MAPK10: variants seen among roughly 807,000 people sequenced by gnomAD.
The protein encoded by MAPK10 is JNK3 alpha protein kinase.
MAPK10 carries 25 observed loss-of-function variants against 59.3 expected under a neutral mutation model. The observed-to-expected ratio is 0.42, with a 90% CI of 0.31 to 0.59. MAPK10 has a LOEUF of 0.59. Among genes scored for constraint, MAPK10 ranks in the 20% least tolerant of loss-of-function variants. The pLI is 0.15. For synonymous variants in MAPK10, 190 were observed against 200.5 expected (o/e 0.95, Z 0.44); for missense variants, 351 against 568.9 (o/e 0.62, Z 3.90).
intron 2 of MAPK10, among the ~76,000 whole-genome samples, chr4:86,354,102 TTG>T (rs761588734): frequency 0.019 from 2,761 of 148,044 alleles, 48 homozygotes; most frequent in Non-Finnish European, 0.026. Context: ...AAGAGCTAAA[TTG>T]TGTGTGTGTG....
chr4:86,483,788 A>G (rs201650839), intron 1 of MAPK10, among the ~76,000 whole-genome samples: 4 of 152,256 alleles, frequency 2.6e-5, no homozygotes, highest in Non-Finnish European at 5.9e-5. Flanking sequence ...AGATGAGTAA[A>G]CAATCATGAA....
At chr4:86,201,371 G>A (rs1223167735) in intron 2 of MAPK10, among the ~76,000 whole-genome samples, 1 of 151,846 alleles carries the variant, frequency 6.6e-6, no homozygotes, top group Non-Finnish European at 1.5e-5. Context: ...AACATTTGAT[G>A]TAATCAGTTT....
At chr4:86,525,532 A>G (rs1757417006) in intron 1 of MAPK10, among the ~76,000 whole-genome samples, 1 of 152,178 alleles carries the variant, frequency 6.6e-6, no homozygotes, top group South Asian at 2.1e-4. Context: ...GACCTGGAAC[A>G]AAGTTATTCC....
intron 4 of MAPK10, chr4:86,123,771 A>T (rs2059640541): frequency 6.6e-6 from 1 of 152,082 alleles, no homozygotes; most frequent in South Asian, 2.1e-4. Context: ...GAACAAAACA[A>T]CCTAAGAATG....
chr4:86,443,510 G>A (rs945865861), intron 1 of MAPK10, among the ~76,000 whole-genome samples: 1 of 152,032 alleles, frequency 6.6e-6, no homozygotes, highest in African/African-American at 2.4e-5. Flanking sequence ...TGGGTGCAAG[G>A]AGAACCGAGA....
chr4:86,206,206 T>C (rs1393990972), intron 2 of MAPK10, among the ~76,000 whole-genome samples: 1 of 143,044 alleles, frequency 7.0e-6, no homozygotes, highest in Non-Finnish European at 1.5e-5. Context: ...TCCCCCCACC[T>C]CGCAACAGTC....
intron 3 of MAPK10, among the ~76,000 whole-genome samples, chr4:86,185,682 G>C (rs907782977): frequency 1.3e-5 from 2 of 152,120 alleles, no homozygotes; most frequent in African/African-American, 4.8e-5. Context: ...GGTGGTAGTG[G>C]AGAAATAGTG....
At chr4:86,093,979 T>G (rs1260153270) in intron 9 of MAPK10, among the ~76,000 whole-genome samples, 1 of 151,900 alleles carries the variant, frequency 6.6e-6, no homozygotes, top group Non-Finnish European at 1.5e-5. Context: ...AACCATAAAT[T>G]TTATATTGTT....
At chr4:86,197,806 G>C (rs1436247954) in intron 2 of MAPK10, among the ~76,000 whole-genome samples, 1 of 152,114 alleles carries the variant, frequency 6.6e-6, no homozygotes, top group African/African-American at 2.4e-5. Context: ...AGAACAAGTG[G>C]CTGTTTGCCT....
intron 4 of MAPK10, among the ~76,000 whole-genome samples, chr4:86,113,477 T>C (rs1030018535): frequency 6.6e-6 from 1 of 152,198 alleles, no homozygotes; most frequent in Non-Finnish European, 1.5e-5. Flanking sequence ...TTTATGAAGA[T>C]TAGTGTGGCC....
intron 2 of MAPK10, among the ~76,000 whole-genome samples, chr4:86,211,608 C>T (rs994855294): frequency 1.3e-5 from 2 of 151,966 alleles, no homozygotes; most frequent in African/African-American, 4.8e-5. Flanking sequence ...TGAAAGGACA[C>T]TCAAAACTAT....
intron 11 of MAPK10, among the ~76,000 whole-genome samples, chr4:86,039,943 C>T (rs1395023155): frequency 2.6e-5 from 4 of 152,122 alleles, no homozygotes; most frequent in African/African-American, 9.7e-5. Context: ...TACCTGAGGA[C>T]TCCAACAGCA....
intron 3 of MAPK10, among the ~76,000 whole-genome samples, chr4:86,182,003 G>A (rs2077029186): frequency 6.6e-6 from 1 of 152,042 alleles, no homozygotes; most frequent in South Asian, 2.1e-4. Context: ...AGAAAAGAGG[G>A]CTAAGACTAC....
chr4:86,500,507 T>C, intron 1 of MAPK10, among the ~76,000 whole-genome samples: 1 of 152,270 alleles, frequency 6.6e-6, no homozygotes, highest in East Asian at 1.9e-4. Flanking sequence ...GAAACTCAGG[T>C]TCCCCATAAA....
chr4:86,497,871 G>T (rs987149810), intron 1 of MAPK10, among the ~76,000 whole-genome samples: 3 of 152,136 alleles, frequency 2.0e-5, no homozygotes, highest in African/African-American at 7.2e-5. Context: ...TTAGGAGCAG[G>T]GTTGATTAGA....
At chr4:86,439,304 A>T (rs1749145071) in intron 1 of MAPK10, among the ~76,000 whole-genome samples, 2 of 152,110 alleles carry the variant, frequency 1.3e-5, no homozygotes, top group Admixed American at 1.3e-4. Flanking sequence ...GGCAAACATT[A>T]ATCTCTTTTC....
rs1341825773 is a variant in MAPK10, at chr4:86,017,367, G to T, written c.1256C>A (p.Ala419Glu). The change falls in exon 14 of 14, where the codon GCA (alanine) becomes GAA (glutamate). Residue 419 changes from alanine (A) to glutamate (E), a missense_variant. Ala to Glu is a moderately radical substitution (Grantham distance 107, BLOSUM62 -1). Around this residue, in one of 5 missense-constraint regions of MAPK10, gnomAD observed 155 missense variants for 204.2 expected, o/e 0.76. Transcript: ENST00000641462. The surrounding 1 kb of genome is among the most constrained non-coding windows in gnomAD (Gnocchi z 4.4). ...VVKGQPSPSG[A>E]AVNSSESLPP... ...GAGACTCTCACTGCTGTTCACTGCT[G>T]CACCTGTGCTAAGAAAATGAAGACC... The T allele has an allele frequency of 6.2e-7, 1 of 1,614,004 alleles. No individual in the cohort carries two copies. Among genetic ancestry groups the T allele is most frequent in the Non-Finnish European group, 8.5e-7 (1 of 1,179,926 alleles).
intron 4 of MAPK10, among the ~76,000 whole-genome samples, chr4:86,131,536 G>T (rs2061007394): frequency 1.3e-5 from 2 of 152,092 alleles, no homozygotes; most frequent in South Asian, 4.2e-4. Context: ...TTCTCCCCCA[G>T]TTTTTATCAT....
chr4:86,247,943 A>G (rs1417491268), intron 2 of MAPK10, among the ~76,000 whole-genome samples: 1 of 152,226 alleles, frequency 6.6e-6, no homozygotes, highest in Non-Finnish European at 1.5e-5. Flanking sequence ...AGGCTTGGCC[A>G]ATCTCAAAGG....
Sources: allele counts gnomAD v4.1 joint callset (sites outside exome capture counted in the v4.1 genomes callset), GRCh38; gene constraint gnomAD v4.1.1; regional missense constraint gnomAD v4.1.1; non-coding constraint Gnocchi (gnomAD v3.1); transcripts MANE v1.5; gene names NCBI Gene and HGNC (gene_info 2026-07-23, HGNC 2026-07-21).